Variants in RNF20 observed in about 807,000 individuals in gnomAD.
The protein encoded by RNF20 is E3 ubiquitin-protein ligase BRE1A.
Under a neutral mutation model 126.2 loss-of-function variants are expected in RNF20, and 84 were observed. That is an observed-to-expected ratio of 0.67 (90% CI 0.56 to 0.80). The LOEUF is 0.80. Among genes scored for constraint, RNF20 ranks in the 30% least tolerant of loss-of-function variants. RNF20 has a pLI of 0.00. For synonymous variants in RNF20, 400 were observed against 414.3 expected (o/e 0.97, Z 0.42); for missense variants, 869 against 1,188.2 (o/e 0.73, Z 3.95).
chr9:101,543,853 A>G (rs1165093261), intron 5 of RNF20, among the ~76,000 whole-genome samples: 2 of 152,226 alleles, frequency 1.3e-5, no homozygotes, highest in Non-Finnish European at 2.9e-5. Flanking sequence ...GGCTTTGCCC[A>G]TGGAGGTTCT....
chr9:101,558,797 G>A (rs369526138), intron 16 of RNF20, among the ~76,000 whole-genome samples: 141 of 152,168 alleles, frequency 9.3e-4, no homozygotes, highest in Non-Finnish European at 1.7e-3. Context: ...TGTAGATTCT[G>A]GATATTAGTC....
At chr9:101,561,327 T>G in intron 18 of RNF20, 97 bp downstream of exon 18, 1 of 1,284,262 alleles carries the variant, frequency 7.8e-7, no homozygotes, top group Non-Finnish European at 1.1e-6. Context: ...TGTATGTCAT[T>G]TCCTACTAGA....
intron 4 of RNF20, 36 bp downstream of exon 4, chr9:101,540,673 A>C (rs780279559): frequency 3.1e-6 from 5 of 1,609,252 alleles, no homozygotes; most frequent in East Asian, 2.2e-5. Flanking sequence ...ACTGCATGCT[A>C]TCTGGGTTTT....
chr9:101,552,336 G>A, intron 12 of RNF20, 47 bp from the exon 13 acceptor site: 1 of 1,611,880 alleles, frequency 6.2e-7, no homozygotes, highest in South Asian at 1.1e-5. Flanking sequence ...GGTCGGCAAT[G>A]TGGTTATCAT....
intron 5 of RNF20, among the ~76,000 whole-genome samples, chr9:101,541,567 A>T (rs916720472): frequency 6.6e-6 from 1 of 152,186 alleles, no homozygotes; most frequent in Non-Finnish European, 1.5e-5. Flanking sequence ...AATTAACTTT[A>T]TTATTTAATA....
chr9:101,551,961 A>G (rs1204494946), intron 11 of RNF20, 142 bp downstream of exon 11: 1 of 1,289,634 alleles, frequency 7.8e-7, no homozygotes, highest in Admixed American at 2.5e-5. Flanking sequence ...TTTGGTTCAC[A>G]GCCTGGATGT....
rs1564111601 is a variant in RNF20 at position 101,554,700 on chromosome 9, G to C, written c.2026G>C (p.Asp676His). Residue 676 changes from aspartate to histidine, a missense_variant, in exon 15 of 20, where the codon GAT becomes CAT. Physicochemically the swap from Asp to His is moderately conservative, Grantham distance 81. Coordinates refer to ENST00000389120, the MANE Select transcript of RNF20 (RefSeq NM_019592.7). ...AATTCCTTTCCTCTTATAGTTGGAA[G>C]ATCTAAGGCAAAGACTCAAGGATCT... is the stretch of plus-strand genomic sequence containing the variant. ...AEKKSKAELE[D>H]LRQRLKDLED... 6.2e-7 allele frequency: 1 copy of C among 1,610,586 alleles called. No individual in the cohort carries two copies. The highest frequency in any genetic ancestry group is 1.7e-5 in the Admixed American group (1 of 59,786).
At chr9:101,535,689 T>A in intron 2 of RNF20, 137 bp downstream of exon 2, 2 of 845,994 alleles carry the variant, frequency 2.4e-6, no homozygotes, top group Non-Finnish European at 3.6e-6. Flanking sequence ...TGAAAGTAGG[T>A]AAAATGATGT....
intron 5 of RNF20, among the ~76,000 whole-genome samples, chr9:101,543,226 G>A (rs1032059974): frequency 1.3e-5 from 2 of 152,238 alleles, no homozygotes; most frequent in South Asian, 2.1e-4. Flanking sequence ...ATAGAGTAAG[G>A]TCTATAAATT....
intron 16 of RNF20, 92 bp from the exon 17 acceptor site, chr9:101,560,709 A>G: frequency 2.4e-6 from 3 of 1,241,046 alleles, no homozygotes; most frequent in South Asian, 3.2e-5. Context: ...TTTCTAACAT[A>G]CTGTATTTTG....
At chr9:101,544,348 T>C (rs111815298) in intron 5 of RNF20, among the ~76,000 whole-genome samples, 22,871 of 152,168 alleles carry the variant, frequency 0.15, 2,294 homozygotes, top group East Asian at 0.36. Context: ...CTGCCTTGGC[T>C]TCCCAAGGTG....
In RNF20 at chr9:101,552,706, A is replaced by T; in HGVS notation, c.1854A>T (p.Gly618=). Residue 618 remains glycine, a synonymous_variant, in exon 13 of 20, where the codon GGA becomes GGT. Coordinates refer to ENST00000389120, the MANE Select transcript of RNF20 (RefSeq NM_019592.7). ...KDKEKGKHDD[G]RKKEAEIIKQ... Reference sequence around the variant, plus strand: ...AAGAGAAAGGCAAACATGATGATGGACGGAAAAAGGAAGCAGAAATTATCA... The same window carrying T: ...AAGAGAAAGGCAAACATGATGATGGTCGGAAAAAGGAAGCAGAAATTATCA... 1 of 1,593,626 alleles carries T rather than the reference A, an allele frequency of 6.3e-7. No homozygotes were observed. The highest frequency in any genetic ancestry group is 8.6e-7 in the Non-Finnish European group (1 of 1,162,158).
At chr9:101,562,129 A>C in intron 19 of RNF20, 117 bp from the exon 20 acceptor site, 1 of 1,316,146 alleles carries the variant, frequency 7.6e-7, no homozygotes, top group Non-Finnish European at 1.1e-6. Context: ...GGTTGGGGGG[A>C]AATGATGCTC....
In RNF20 at chr9:101,561,189, G is replaced by T. The variant is rs771282278; in HGVS notation, c.2608G>T (p.Val870Phe). The T allele has an allele frequency of 3.8e-5, 61 of 1,613,796 alleles. No homozygotes were observed. The highest frequency in any genetic ancestry group is 2.8e-5 in the Non-Finnish European group (33 of 1,179,828). ...TCAGGATGAGATCGTGGAGAACAGT[G>T]TTACCAAAGAAAAGGACATGTTCAA... is the stretch of plus-strand genomic sequence containing the variant. Reference protein sequence around the residue: ...DFQDEIVENSVTKEKDMFNFK... With the variant: ...DFQDEIVENSFTKEKDMFNFK... The change falls in exon 18 of 20, where the codon GTT becomes TTT. Residue 870 changes from valine to phenylalanine, a missense_variant. Physicochemically the swap from Val to Phe is conservative, Grantham distance 50. This residue lies in a region of RNF20 where 150 missense variants were observed against 173.7 expected (regional missense o/e 0.86). Coordinates refer to ENST00000389120, the MANE Select transcript of RNF20 (RefSeq NM_019592.7).
chr9:101,536,272 G>T (rs1827183113), intron 2 of RNF20, among the ~76,000 whole-genome samples: 1 of 152,140 alleles, frequency 6.6e-6, no homozygotes, highest in Admixed American at 6.5e-5. Context: ...AAGTTTACAG[G>T]TTTTGATCTA....
intron 1 of RNF20, among the ~76,000 whole-genome samples, chr9:101,534,587 T>A (rs1827153223): frequency 6.6e-6 from 1 of 152,204 alleles, no homozygotes; most frequent in Non-Finnish European, 1.5e-5. Flanking sequence ...TATTTTATAA[T>A]AAGCATAGGA....
intron 16 of RNF20, 68 bp from the exon 17 acceptor site, chr9:101,560,733 T>G: frequency 1.4e-6 from 2 of 1,466,738 alleles, no homozygotes; most frequent in Non-Finnish European, 9.1e-7. Context: ...GCTTATAGAT[T>G]AACAGAATAG....
At chr9:101,549,677 C>T (rs536202033) in intron 9 of RNF20, among the ~76,000 whole-genome samples, 23 of 152,258 alleles carry the variant, frequency 1.5e-4, no homozygotes, top group Admixed American at 1.2e-3. Flanking sequence ...CGGGCGTCTT[C>T]CCAGAAGCTG....
intron 14 of RNF20, 62 bp from the exon 15 acceptor site, chr9:101,554,632 T>TAAA: frequency 2.1e-6 from 3 of 1,421,202 alleles, no homozygotes; most frequent in Non-Finnish European, 2.9e-6. Flanking sequence ...TGCACAGTAT[T>TAAA]AATTGATTTT....
Sources: gnomAD v4.1 joint callset for allele counts (sites outside exome capture counted in the v4.1 genomes callset) on GRCh38, gnomAD v4.1.1 for gene constraint, gnomAD v4.1.1 regional missense constraint, MANE v1.5 for transcripts, NCBI Gene and HGNC (gene_info 2026-07-23, HGNC 2026-07-21) for gene names.